Variants in NAV2 observed in about 807,000 individuals in gnomAD.
The protein encoded by NAV2 is neuron navigator 2.
NAV2 carries 54 observed loss-of-function variants against 223.2 expected under a neutral mutation model. The ratio of observed to expected loss-of-function variants is 0.24; its 90% CI spans 0.19 to 0.30. The LOEUF (loss-of-function observed/expected upper bound fraction) is 0.30, where lower values mean the gene tolerates loss of function less well. Ranked by LOEUF, NAV2 falls within the 10% of genes least tolerant of loss-of-function variation. The pLI, the probability that NAV2 is intolerant of heterozygous loss-of-function variation, is 1.00. For synonymous variants in NAV2, 1,279 were observed against 1,239.3 expected (o/e 1.03, Z -0.67); for missense variants, 2,806 against 3,147.5 (o/e 0.89, Z 2.60).
chr11:19,962,439 C>T (rs989930864), intron 10 of NAV2, among the ~76,000 whole-genome samples: 3 of 152,118 alleles, frequency 2.0e-5, no homozygotes, highest in African/African-American at 4.8e-5. Context: ...GTAAGCAGGC[C>T]TTGCCATATG....
chr11:19,439,986 C>T (rs975795018), intron 1 of NAV2, among the ~76,000 whole-genome samples: 31 of 152,166 alleles, frequency 2.0e-4, no homozygotes, highest in African/African-American at 7.2e-4. Flanking sequence ...GTAACTTACC[C>T]TTTTGACCAG....
At chr11:19,955,587 AAGAG>A (rs200229645) in intron 10 of NAV2, among the ~76,000 whole-genome samples, 1 of 152,192 alleles carries the variant, frequency 6.6e-6, no homozygotes, top group African/African-American at 2.4e-5. Context: ...ATACAAGAAA[AAGAG>A]AGAACTAGGG....
chr11:19,495,440 C>G (rs952719691), intron 1 of NAV2, among the ~76,000 whole-genome samples: 5 of 152,266 alleles, frequency 3.3e-5, no homozygotes, highest in Admixed American at 2.6e-4. Flanking sequence ...CTCAATTAAG[C>G]CTGGTAAAGG....
chr11:19,688,315 G>C (rs1043819422), intron 1 of NAV2, among the ~76,000 whole-genome samples: 13 of 152,174 alleles, frequency 8.5e-5, no homozygotes, highest in African/African-American at 2.9e-4. Flanking sequence ...CAGAGTCTGA[G>C]CTAAACCTTG....
chr11:19,469,512 T>C (rs1006044940), intron 1 of NAV2, among the ~76,000 whole-genome samples: 3 of 152,196 alleles, frequency 2.0e-5, no homozygotes, highest in Admixed American at 6.5e-5. Context: ...CAGAACCATT[T>C]TCCCCATGTG....
At chr11:19,632,683 G>A (rs200542737) in intron 1 of NAV2, among the ~76,000 whole-genome samples, 2 of 152,150 alleles carry the variant, frequency 1.3e-5, no homozygotes, top group Non-Finnish European at 2.9e-5. Context: ...CTATCTCATC[G>A]GAATATGCCT....
intron 1 of NAV2, among the ~76,000 whole-genome samples, chr11:19,720,794 A>G (rs1224774997): frequency 1.3e-5 from 2 of 152,248 alleles, no homozygotes; most frequent in Non-Finnish European, 2.9e-5. Context: ...AGAACTGGAA[A>G]TGACCACTCT....
Position 19,906,645 on chromosome 11 carries a change from G to A in NAV2, c.931+14051G>A, listed in dbSNP as rs58194174. ...GGGGCATGTAGTTCTAAGAACTCAC[G>A]GGGGAGAGCAGCCAAAGCATCCTTG... On this transcript the variant is annotated intron_variant, in intron 6 of 37. Coordinates refer to ENST00000349880, the MANE Select transcript of NAV2 (RefSeq NM_145117.5). 8.2e-3 allele frequency among the ~76,000 whole-genome samples: 1,254 copies of A among 152,276 alleles called. 9 individuals are homozygous for A. The highest frequency in any genetic ancestry group is 0.019 in the Admixed American group (290 of 15,292).
chr11:20,094,602 C>T (rs2061110470), intron 29 of NAV2, among the ~76,000 whole-genome samples: 2 of 152,166 alleles, frequency 1.3e-5, no homozygotes, highest in Admixed American at 1.3e-4. Context: ...AATATGAACA[C>T]ATAGAGCATA....
chr11:19,432,389 C>A (rs1851068591), intron 1 of NAV2, among the ~76,000 whole-genome samples: 1 of 152,150 alleles, frequency 6.6e-6, no homozygotes, highest in South Asian at 2.1e-4. Context: ...GCTGCTAGGA[C>A]AAACTGCAGC....
At chr11:19,456,642 C>T (rs1410665021) in intron 1 of NAV2, among the ~76,000 whole-genome samples, 1 of 152,190 alleles carries the variant, frequency 6.6e-6, no homozygotes, top group African/African-American at 2.4e-5. Context: ...CAAGTCAACC[C>T]CAAGTCACTG....
intron 1 of NAV2, among the ~76,000 whole-genome samples, chr11:19,751,818 G>C (rs894480671): frequency 6.6e-6 from 1 of 152,214 alleles, no homozygotes; most frequent in Non-Finnish European, 1.5e-5. Context: ...AGAGTAGAGA[G>C]CAGAGAGGGA....
At chr11:19,708,198 G>A (rs2049729758), upstream of NAV2, among the ~76,000 whole-genome samples, 1 of 152,152 alleles carries the variant, frequency 6.6e-6, no homozygotes, top group Admixed American at 6.5e-5. Flanking sequence ...GATGTCTTAA[G>A]GTTCTTACCT....
intron 26 of NAV2, among the ~76,000 whole-genome samples, chr11:20,086,125 G>T (rs752693369): frequency 3.3e-5 from 5 of 152,216 alleles, no homozygotes; most frequent in African/African-American, 4.8e-5. Context: ...CCTAGAACAC[G>T]CAAGGCTTTG....
intron 1 of NAV2, among the ~76,000 whole-genome samples, chr11:19,730,504 G>C (rs1283171108): frequency 6.6e-6 from 1 of 152,244 alleles, no homozygotes; most frequent in African/African-American, 2.4e-5. Context: ...TGACAGGGCT[G>C]GGGCCGGGCA....
intron 1 of NAV2, among the ~76,000 whole-genome samples, chr11:19,564,664 C>T (rs1232086735): frequency 6.6e-6 from 1 of 152,174 alleles, no homozygotes; most frequent in Non-Finnish European, 1.5e-5. Context: ...TAGTTCCCTT[C>T]CTGCCGTCCC....
In NAV2 at chr11:19,948,982, T is replaced by C. The variant is rs747122223; in HGVS notation, c.2547T>C (p.Asp849=). The change falls in exon 10 of 38, where the codon GAT becomes GAC. Residue 849 remains aspartate, a synonymous_variant. Coordinates refer to ENST00000349880, the MANE Select transcript of NAV2 (RefSeq NM_145117.5). ...CHVDVSDKAG[D]EMDLEGISMD... Reference sequence around the variant, plus strand: ...TGGACGTCTCAGACAAGGCAGGAGATGAGATGGACCTGGAAGGCATCAGCA... The same window carrying C: ...TGGACGTCTCAGACAAGGCAGGAGACGAGATGGACCTGGAAGGCATCAGCA... The C allele has an allele frequency of 8.1e-6, 13 of 1,613,752 alleles. No homozygotes were observed. The South Asian group carries it at 9.9e-5, about 12-fold the overall frequency.
chr11:19,606,923 A>G (rs577732609), intron 1 of NAV2, among the ~76,000 whole-genome samples: 1 of 152,354 alleles, frequency 6.6e-6, no homozygotes, highest in Non-Finnish European at 1.5e-5. Context: ...TTGACTCACA[A>G]TCTGCATTTT....
intron 1 of NAV2, among the ~76,000 whole-genome samples, chr11:19,662,387 A>G (rs2048308297): frequency 6.6e-6 from 1 of 152,234 alleles, no homozygotes; most frequent in Non-Finnish European, 1.5e-5. Context: ...CTCCCTGCCC[A>G]TCAGTGGGGT....
Sources: gnomAD v4.1 joint callset for allele counts (sites outside exome capture counted in the v4.1 genomes callset) on GRCh38, gnomAD v4.1.1 for gene constraint, MANE v1.5 for transcripts, NCBI Gene and HGNC (gene_info 2026-07-23, HGNC 2026-07-21) for gene names.